CALN1: variants seen among roughly 807,000 people sequenced by gnomAD.
CALN1 encodes the protein calneuron 1.
CALN1 carries 17 observed loss-of-function variants against 30.6 expected under a neutral mutation model. The ratio of observed to expected loss-of-function variants is 0.56; its 90% CI spans 0.38 to 0.83. CALN1 has a LOEUF of 0.83. Among genes scored for constraint, CALN1 ranks in the 40% least tolerant of loss-of-function variants. CALN1 has a pLI of 0.00. For synonymous variants in CALN1, 156 were observed against 131.4 expected, an observed-to-expected ratio of 1.19 and a Z score of -1.28; for missense variants, 291 against 354.9, an observed-to-expected ratio of 0.82 and a Z score of 1.45.
chr7:72,113,656 T>A (rs1171725935), intron 3 of CALN1, among the ~76,000 whole-genome samples: 1 of 152,236 alleles, frequency 6.6e-6, no homozygotes, highest in South Asian at 2.1e-4. Context: ...ACCATGCACA[T>A]TTGTTTCTAT....
At chr7:72,238,919 C>G (rs150125651) in intron 3 of CALN1, among the ~76,000 whole-genome samples, 12 of 152,282 alleles carry the variant, frequency 7.9e-5, no homozygotes, top group African/African-American at 2.9e-4. Context: ...AAGACAGAGA[C>G]CCAGACCTCT....
intron 5 of CALN1, among the ~76,000 whole-genome samples, chr7:72,018,244 G>T (rs766931944): frequency 3.0e-4 from 45 of 152,010 alleles, no homozygotes; most frequent in Non-Finnish European, 7.4e-5. Flanking sequence ...GTAAATAAAT[G>T]GTGGAAAAGC....
At chr7:72,477,611 G>A in the CALN1 span, among the ~76,000 whole-genome samples, 2 of 152,176 alleles carry the variant, frequency 1.3e-5, no homozygotes, top group South Asian at 2.1e-4. Flanking sequence ...TTGTAGAAAC[G>A]GGGTCTTGCT....
At chr7:71,983,879 C>G (rs892002782) in intron 5 of CALN1, among the ~76,000 whole-genome samples, 9 of 151,774 alleles carry the variant, frequency 5.9e-5, no homozygotes, top group Non-Finnish European at 1.2e-4. Context: ...AAAGACAAAC[C>G]CAAGTAAAAA....
rs1479091655 is a variant in CALN1, at chr7:72,054,474, T to TAC, written c.389-30707_389-30706dup. ...ATATATATACATATATATACATATA[T>TAC]ACATACATATATATATACATATATA... On this transcript the variant is annotated intron_variant, in intron 4 of 6. Coordinates refer to ENST00000395275, the MANE Select transcript of CALN1 (RefSeq NM_031468.4). Among the ~76,000 whole-genome samples, 7 of 65,494 alleles carry TAC rather than the reference T, an allele frequency of 1.1e-4. No homozygotes were observed. In the South Asian group the frequency reaches 3.5e-3, roughly 33 times the overall value. The allele number at this position is 65,494 out of a possible 152,430, so 43.0% of individuals were successfully genotyped here. A position where few individuals can be genotyped will look rare whatever the true frequency, so the allele number is the denominator to read the frequency against.
intron 3 of CALN1, among the ~76,000 whole-genome samples, chr7:72,228,398 G>A (rs1286415017): frequency 6.6e-6 from 1 of 151,722 alleles, no homozygotes; most frequent in Non-Finnish European, 1.5e-5. Flanking sequence ...GGTTTCTCTG[G>A]GGTGATAAAA....
intron 3 of CALN1, among the ~76,000 whole-genome samples, chr7:72,186,202 A>G (rs1314882847): frequency 6.6e-6 from 1 of 152,162 alleles, no homozygotes; most frequent in Non-Finnish European, 1.5e-5. Context: ...TGCCCCACCC[A>G]TCACTTCTGA....
chr7:72,122,881 C>A (rs1004035905), intron 3 of CALN1, among the ~76,000 whole-genome samples: 1 of 152,182 alleles, frequency 6.6e-6, no homozygotes, highest in Non-Finnish European at 1.5e-5. Context: ...AGCAACAAGA[C>A]ATCTAAGCAG....
intron 5 of CALN1, among the ~76,000 whole-genome samples, chr7:71,842,645 C>A (rs527288302): frequency 8.3e-4 from 126 of 152,296 alleles, no homozygotes; most frequent in African/African-American, 3.0e-3. Flanking sequence ...TTCACCGATG[C>A]CTGCAAGCTG....
At chr7:72,425,870 T>G (rs1335467399) in intron 1 of CALN1, among the ~76,000 whole-genome samples, 1 of 152,184 alleles carries the variant, frequency 6.6e-6, no homozygotes, top group Non-Finnish European at 1.5e-5. Flanking sequence ...CTTAGGGAGA[T>G]GGCTACCTGT....
At chr7:72,496,590 C>A in the CALN1 span, among the ~76,000 whole-genome samples, 4 of 152,154 alleles carry the variant, frequency 2.6e-5, no homozygotes, top group East Asian at 1.9e-4. Flanking sequence ...AGAATTCAAT[C>A]AAAAAGCTAA....
intron 3 of CALN1, among the ~76,000 whole-genome samples, chr7:72,233,769 C>T (rs1186319435): frequency 6.6e-6 from 1 of 151,990 alleles, no homozygotes; most frequent in Non-Finnish European, 1.5e-5. Context: ...TTTGAAAGGT[C>T]GAGGCAGGCG....
intron 5 of CALN1, among the ~76,000 whole-genome samples, chr7:71,841,916 A>G (rs73362119): frequency 0.1 from 15,947 of 151,940 alleles, 2,763 homozygotes; most frequent in African/African-American, 0.36. Context: ...CACCATTTGA[A>G]TGATGGGTTC....
At chr7:71,789,388 G>T (rs1170844090) in intron 6 of CALN1, among the ~76,000 whole-genome samples, 1 of 152,100 alleles carries the variant, frequency 6.6e-6, no homozygotes, top group Non-Finnish European at 1.5e-5. Context: ...CTGTGCTTCA[G>T]CCTGGGAGAC....
chr7:72,164,232 G>T (rs983501842), intron 3 of CALN1, among the ~76,000 whole-genome samples: 1 of 151,856 alleles, frequency 6.6e-6, no homozygotes, highest in African/African-American at 2.4e-5. Flanking sequence ...GCCGGGCATG[G>T]TGGCACATGC....
intron 3 of CALN1, among the ~76,000 whole-genome samples, chr7:72,205,561 T>TATATATATATATATATATAA: frequency 1.3e-5 from 1 of 77,052 alleles, no homozygotes. Context: ...AATATATATA[T>TATATATATATATATATATAA]ATATATGTAT....
chr7:71,885,756 G>A (rs1379581078), intron 5 of CALN1, among the ~76,000 whole-genome samples: 1 of 152,164 alleles, frequency 6.6e-6, no homozygotes, highest in African/African-American at 2.4e-5. Flanking sequence ...CGCTGACCAC[G>A]AGCAGACAGA....
chr7:71,980,170 C>T (rs1311778784), intron 5 of CALN1, among the ~76,000 whole-genome samples: 1 of 148,166 alleles, frequency 6.7e-6, no homozygotes, highest in Non-Finnish European at 1.5e-5. Context: ...AGCCACCATG[C>T]CTGGCCTCTT....
intron 2 of CALN1, among the ~76,000 whole-genome samples, chr7:72,392,513 A>C (rs991138856): frequency 3.3e-5 from 5 of 152,206 alleles, no homozygotes; most frequent in Non-Finnish European, 5.9e-5. Flanking sequence ...CTGAAGGTCA[A>C]CTTGTGTCTC....
Sources: gnomAD v4.1 joint callset for allele counts (sites outside exome capture counted in the v4.1 genomes callset) on GRCh38, gnomAD v4.1.1 for gene constraint, MANE v1.5 for transcripts, NCBI Gene and HGNC (gene_info 2026-07-23, HGNC 2026-07-21) for gene names.